The following LRP1B variants were observed in gnomAD, a reference collection of about 807,000 sequenced individuals.
LRP1B encodes the protein low-density lipoprotein receptor-related protein 1B.
LRP1B carries 217 observed loss-of-function variants against 556.6 expected under a neutral mutation model. That is an observed-to-expected ratio of 0.39 (90% CI 0.35 to 0.44). LRP1B has a LOEUF of 0.44. LRP1B is among the 20% of genes least tolerant of loss of function. The pLI, the probability that LRP1B is intolerant of heterozygous loss-of-function variation, is 1.00. For missense variants in LRP1B, 5,053 were observed against 5,620.8 expected (o/e 0.90, Z 3.23); for synonymous variants, 2,047 against 1,865.8 (o/e 1.10, Z -2.50).
chr2:140,343,865 G>C (rs942659202), intron 77 of LRP1B, among the ~76,000 whole-genome samples: 1 of 151,646 alleles, frequency 6.6e-6, no homozygotes, highest in Non-Finnish European at 1.5e-5. Context: ...ATTCTAGAAA[G>C]AGCAAACTAA....
chr2:142,048,766 G>C (rs1039053730), intron 1 of LRP1B, among the ~76,000 whole-genome samples: 2 of 151,974 alleles, frequency 1.3e-5, no homozygotes, highest in Non-Finnish European at 2.9e-5. Context: ...GAACCTTATG[G>C]TCTAAGTTGA....
Position 140,304,376 on chromosome 2 carries a change from C to T in LRP1B, c.12806-6407G>A, listed in dbSNP as rs568481682. Among the ~76,000 whole-genome samples the T allele has an allele frequency of 3.4e-3, 522 of 152,154 alleles. 2 individuals are homozygous for T. Among genetic ancestry groups the T allele is most frequent in the African/African-American group, 0.012 (486 of 41,534 alleles). On this transcript the variant is annotated intron_variant, in intron 83 of 90. Transcript: ENST00000389484. ...CTAACTAGTGTGAGATGGTATCTCA[C>T]TGTGGTTTTGATTTGTATTTCTCTG... is the stretch of plus-strand genomic sequence containing the variant.
At chr2:140,540,335 GCT>G (rs1279008145) in intron 45 of LRP1B, among the ~76,000 whole-genome samples, 1 of 151,880 alleles carries the variant, frequency 6.6e-6, no homozygotes, top group Non-Finnish European at 1.5e-5. Flanking sequence ...TTTAAATTTT[GCT>G]TGCAAATTTT....
rs1335579819 is a variant in LRP1B, at chr2:140,257,589, A to T, written c.13248-10427T>A. 2.0e-5 allele frequency among the ~76,000 whole-genome samples: 3 copies of T among 152,196 alleles called. 1 individual carries two copies. Among genetic ancestry groups the T allele is most frequent in the African/African-American group, 7.2e-5 (3 of 41,456 alleles). On this transcript the variant is annotated intron_variant, in intron 86 of 90. Coordinates refer to ENST00000389484, the MANE Select transcript of LRP1B (RefSeq NM_018557.3). ...TGTTCCTTTTGTTCCCCGTGGCATG[A>T]CTGGCATGGTGAAAGCTAAAGTAAC...
intron 41 of LRP1B, among the ~76,000 whole-genome samples, chr2:140,602,594 G>A (rs899311610): frequency 1.3e-5 from 2 of 151,896 alleles, no homozygotes; most frequent in African/African-American, 4.8e-5. Context: ...TCCCTAATAG[G>A]AACTATCCAG....
At chr2:141,544,355 C>CTTCTTCTT (rs1685447990) in intron 2 of LRP1B, among the ~76,000 whole-genome samples, 1 of 95,904 alleles carries the variant, frequency 1.0e-5, no homozygotes, top group African/African-American at 3.6e-5. Flanking sequence ...TCTTCTTCTT[C>CTTCTTCTT]TTCTTCTTCT....
intron 3 of LRP1B, among the ~76,000 whole-genome samples, chr2:141,334,189 C>T (rs1573820579): frequency 1.3e-5 from 2 of 152,202 alleles, no homozygotes; most frequent in Admixed American, 6.5e-5. Context: ...AGCCAAATCT[C>T]CTGTCCAACT....
At chr2:141,794,872 C>T (rs775842471) in intron 2 of LRP1B, among the ~76,000 whole-genome samples, 1 of 151,938 alleles carries the variant, frequency 6.6e-6, no homozygotes, top group Non-Finnish European at 1.5e-5. Context: ...AGGAACATTG[C>T]ATTTTGGGAC....
At chr2:142,000,207 C>A (rs1001154611) in intron 1 of LRP1B, among the ~76,000 whole-genome samples, 6 of 152,078 alleles carry the variant, frequency 3.9e-5, no homozygotes, top group Non-Finnish European at 8.8e-5. Flanking sequence ...AATGAAGGCA[C>A]AAACTCATGG....
intron 3 of LRP1B, among the ~76,000 whole-genome samples, chr2:141,336,919 T>C (rs145546884): frequency 0.012 from 1,783 of 152,306 alleles, 23 homozygotes; most frequent in Middle Eastern, 0.02. Flanking sequence ...ATTACATGGA[T>C]GTGCCACTAT....
intron 6 of LRP1B, among the ~76,000 whole-genome samples, chr2:141,208,824 A>G (rs1372496734): frequency 2.2e-5 from 3 of 135,224 alleles, no homozygotes; most frequent in East Asian, 2.5e-4. Flanking sequence ...AGCTGAGATC[A>G]CGCCGCTGCA....
intron 2 of LRP1B, among the ~76,000 whole-genome samples, chr2:141,553,406 G>A (rs549441526): frequency 1.1e-3 from 174 of 151,484 alleles, no homozygotes; most frequent in Non-Finnish European, 2.2e-3. Flanking sequence ...TAGTCTCCTG[G>A]GTATCTTCAT....
intron 22 of LRP1B, among the ~76,000 whole-genome samples, chr2:140,905,269 GAA>G (rs1694217760): frequency 6.6e-6 from 1 of 151,694 alleles, no homozygotes; most frequent in Non-Finnish European, 1.5e-5. Context: ...TAACAGACTT[GAA>G]CAATCCCTAG....
At position 142,095,152 on chromosome 2, in the gene LRP1B, A is replaced by T. The variant is rs76366869; in HGVS notation, c.82+35496T>A. ...CATATAAAAAAGCTTTTTTTTTTTT[A>T]AATCAGCAGATGGACCCCTATATTT... On this transcript the variant is annotated intron_variant, in intron 1 of 90. Coordinates refer to ENST00000389484, the MANE Select transcript of LRP1B (RefSeq NM_018557.3). Among the ~76,000 whole-genome samples, 11 of 132,672 alleles carry T rather than the reference A, an allele frequency of 8.3e-5. 1 individual carries two copies. The South Asian group carries it at 2.6e-3, about 31-fold the overall frequency. The allele number at this position is 132,672 out of a possible 152,430, so 87.0% of individuals were successfully genotyped here. A position where few individuals can be genotyped will look rare whatever the true frequency, so the allele number is the denominator to read the frequency against.
chr2:140,801,906 A>G (rs867358925), intron 32 of LRP1B, among the ~76,000 whole-genome samples: 1 of 151,988 alleles, frequency 6.6e-6, no homozygotes, highest in Non-Finnish European at 1.5e-5. Context: ...GTTCCTAACC[A>G]GAGTGTGAAA....
intron 7 of LRP1B, among the ~76,000 whole-genome samples, chr2:141,181,140 G>C (rs1320797956): frequency 6.6e-6 from 1 of 151,914 alleles, no homozygotes; most frequent in African/African-American, 2.4e-5. Flanking sequence ...AGATATGAGA[G>C]AATGTCTGAT....
intron 66 of LRP1B, among the ~76,000 whole-genome samples, chr2:140,414,650 T>C (rs2105253856): frequency 6.6e-6 from 1 of 152,334 alleles, no homozygotes; most frequent in Non-Finnish European, 1.5e-5. Flanking sequence ...AATAGTTTTA[T>C]AATTTCTTAT....
intron 18 of LRP1B, 110 bp from the exon 19 acceptor site, chr2:140,952,050 G>T (rs1314100325): frequency 6.6e-6 from 5 of 752,758 alleles, no homozygotes; most frequent in African/African-American, 3.5e-5. Flanking sequence ...CTCTACAAAG[G>T]CACAGAGGAA....
chr2:140,948,453 A>T (rs1331898904), intron 20 of LRP1B, among the ~76,000 whole-genome samples: 3 of 152,210 alleles, frequency 2.0e-5, no homozygotes, highest in Non-Finnish European at 4.4e-5. Context: ...CTCATGCAAC[A>T]ACTAAATAGA....
Sources: gnomAD v4.1 joint callset for allele counts (sites outside exome capture counted in the v4.1 genomes callset) on GRCh38, gnomAD v4.1.1 for gene constraint, MANE v1.5 for transcripts, NCBI Gene and HGNC (gene_info 2026-07-23, HGNC 2026-07-21) for gene names.